Variants in HIPK3 observed in about 807,000 individuals in gnomAD.
The protein encoded by HIPK3 is homeodomain-interacting protein kinase 3.
Under a neutral mutation model 124.2 loss-of-function variants are expected in HIPK3, and 47 were observed. The ratio of observed to expected loss-of-function variants is 0.38; its 90% CI spans 0.30 to 0.48. The LOEUF (loss-of-function observed/expected upper bound fraction) is 0.48, where lower values mean the gene tolerates loss of function less well. Among genes scored for constraint, HIPK3 ranks in the 20% least tolerant of loss-of-function variants. HIPK3 has a pLI of 0.98. For synonymous variants in HIPK3, 482 were observed against 515.2 expected, an observed-to-expected ratio of 0.94 and a Z score of 0.87; for missense variants, 1,286 against 1,454.3, an observed-to-expected ratio of 0.88 and a Z score of 1.88.
At chr11:33,347,151 G>A (rs1648231671) in intron 8 of HIPK3, 142 bp from the exon 9 acceptor site, 1 of 678,096 alleles carries the variant, frequency 1.5e-6, no homozygotes, top group African/African-American at 1.8e-5. Flanking sequence ...CTGTGCTCCA[G>A]TCTGGGCAAC....
At chr11:33,347,033 G>A (rs1853514665) in intron 8 of HIPK3, among the ~76,000 whole-genome samples, 1 of 152,010 alleles carries the variant, frequency 6.6e-6, no homozygotes, top group South Asian at 2.1e-4. Flanking sequence ...AAAAATTAAA[G>A]AGATTAGCTG....
chr11:33,298,819 C>T (rs1336340354), intron 2 of HIPK3, among the ~76,000 whole-genome samples: 3 of 152,112 alleles, frequency 2.0e-5, no homozygotes, highest in Non-Finnish European at 4.4e-5. Context: ...TGCAATCTGA[C>T]GATTAAACTT....
chr11:33,305,938 C>T (rs939423395), intron 2 of HIPK3, among the ~76,000 whole-genome samples: 1 of 151,940 alleles, frequency 6.6e-6, no homozygotes, highest in Non-Finnish European at 1.5e-5. Context: ...CTATATGTTG[C>T]CCAGGCTGCT....
chr11:33,281,296 G>A (rs1237230416), intron 1 of HIPK3, among the ~76,000 whole-genome samples: 3 of 151,764 alleles, frequency 2.0e-5, no homozygotes, highest in Non-Finnish European at 2.9e-5. Flanking sequence ...TTTTCATTAA[G>A]GAAAAATATA....
At position 33,286,902 on chromosome 11, in the gene HIPK3, C is replaced by T. The variant is rs1565064482; in HGVS notation, c.488C>T (p.Thr163Ile). 1.9e-6 allele frequency: 3 copies of T among 1,614,170 alleles called. No individual in the cohort carries two copies. Among genetic ancestry groups the T allele is most frequent in the Non-Finnish European group, 2.5e-6 (3 of 1,180,020 alleles). The change falls in exon 2 of 17, where the codon ACA becomes ATA. Residue 163 changes from threonine (T) to isoleucine (I), a missense_variant. Coordinates refer to ENST00000303296, the MANE Select transcript of HIPK3 (RefSeq NM_005734.5). ...MLQTNMGNPV[T>I]VVTATTGSKQ... is the part of the protein sequence containing the mutation. ...CAAACCAACATGGGAAATCCAGTGA[C>T]AGTTGTGACAGCTACCACAGGATCA...
chr11:33,351,854 T>C lies in HIPK3; in HGVS notation c.3043+11T>C. Reference sequence around the variant, plus strand: ...ATATGGCAAACACAGGTAAGTTGAGTCCTCCCATTTCTCTGGTTGTCCTTT... The same window carrying C: ...ATATGGCAAACACAGGTAAGTTGAGCCCTCCCATTTCTCTGGTTGTCCTTT... On this transcript the variant is annotated intron_variant, in intron 15 of 16. Coordinates refer to ENST00000303296, the MANE Select transcript of HIPK3 (RefSeq NM_005734.5). The C allele has an allele frequency of 6.3e-7, 1 of 1,586,046 alleles. No individual in the cohort carries two copies. The highest frequency in any genetic ancestry group is 1.1e-5 in the South Asian group (1 of 90,060).
chr11:33,354,303 T>C lies in HIPK3; in HGVS notation c.*735T>C, dbSNP rs1195484214. 1 of 152,676 alleles carries C rather than the reference T, an allele frequency of 6.5e-6. No individual in the cohort carries two copies. Among genetic ancestry groups the C allele is most frequent in the African/African-American group, 2.4e-5 (1 of 41,472 alleles). The allele number at this position is 152,676 out of a possible 1,614,324, so 9.5% of individuals were successfully genotyped here. A position where few individuals can be genotyped will look rare whatever the true frequency, so the allele number is the denominator to read the frequency against. Reference sequence around the variant, plus strand: ...TATTAAGAGGGCAGCATGTTTGCTATAGCTGAATTCTGCTGTCTGATTTTT... The same window carrying C: ...TATTAAGAGGGCAGCATGTTTGCTACAGCTGAATTCTGCTGTCTGATTTTT... On this transcript the variant is annotated 3_prime_UTR_variant, in exon 17 of 17. Transcript: ENST00000303296.
chr11:33,282,771 A>G (rs1165307675), intron 1 of HIPK3, among the ~76,000 whole-genome samples: 3 of 152,162 alleles, frequency 2.0e-5, no homozygotes, highest in Non-Finnish European at 4.4e-5. Context: ...TAGGAGAATC[A>G]TGGCAATGTT....
intron 2 of HIPK3, among the ~76,000 whole-genome samples, chr11:33,299,505 A>T (rs1851933298): frequency 2.0e-5 from 3 of 151,854 alleles, no homozygotes; most frequent in African/African-American, 7.3e-5. Flanking sequence ...GTTTCTTGAG[A>T]TGGAATCTAA....
At chr11:33,294,996 G>C (rs557766879) in intron 2 of HIPK3, among the ~76,000 whole-genome samples, 1 of 152,170 alleles carries the variant, frequency 6.6e-6, no homozygotes, top group East Asian at 1.9e-4. Context: ...AGTCACTCAT[G>C]TCAAGTAGCA....
chr11:33,310,261 T>C (rs1852284581), intron 2 of HIPK3, among the ~76,000 whole-genome samples: 1 of 108,180 alleles, frequency 9.2e-6, no homozygotes, highest in Admixed American at 9.8e-5. Context: ...TCTGTCTGTC[T>C]GTCTGTCTGT....
intron 13 of HIPK3, 150 bp downstream of exon 13, chr11:33,348,968 C>G: frequency 1.1e-6 from 1 of 928,320 alleles, no homozygotes; most frequent in African/African-American, 1.7e-5. Context: ...AGGGAACTTT[C>G]TAAATAACAT....
intron 4 of HIPK3, 131 bp downstream of exon 4, chr11:33,337,325 C>A (rs944750045): frequency 6.3e-6 from 3 of 472,630 alleles, no homozygotes; most frequent in Non-Finnish European, 1.0e-5. Flanking sequence ...ATTTTTGGCC[C>A]TTCTTTATTT....
chr11:33,267,947 A>C (rs1390980380), intron 1 of HIPK3, among the ~76,000 whole-genome samples: 1 of 152,200 alleles, frequency 6.6e-6, no homozygotes, highest in Non-Finnish European at 1.5e-5. Flanking sequence ...TTGGTGGCTC[A>C]AACCTTTAAT....
At chr11:33,288,140 T>C in intron 2 of HIPK3, among the ~76,000 whole-genome samples, 1 of 152,168 alleles carries the variant, frequency 6.6e-6, no homozygotes, top group East Asian at 1.9e-4. Flanking sequence ...AGAAAGTTAT[T>C]CTGATTAATG....
rs974592308 is a variant in HIPK3 at position 33,353,891 on chromosome 11, T to C, written c.*323T>C. Reference sequence around the variant, plus strand: ...CGTCTACATTTGGGAAGCCATTCTGTGTACAGACTTAGAGCAACAGATGCA... The same window carrying C: ...CGTCTACATTTGGGAAGCCATTCTGCGTACAGACTTAGAGCAACAGATGCA... On this transcript the variant is annotated 3_prime_UTR_variant, in exon 17 of 17. Coordinates refer to ENST00000303296, the MANE Select transcript of HIPK3 (RefSeq NM_005734.5). 3.2e-6 allele frequency: 1 copy of C among 312,104 alleles called. No individual in the cohort carries two copies. The highest frequency in any genetic ancestry group is 6.1e-6 in the Non-Finnish European group (1 of 163,950). The allele number at this position is 312,104 out of a possible 1,614,324, so 19.3% of individuals were successfully genotyped here. A position where few individuals can be genotyped will look rare whatever the true frequency, so the allele number is the denominator to read the frequency against.
intron 1 of HIPK3, among the ~76,000 whole-genome samples, chr11:33,263,831 T>G (rs536637390): frequency 6.6e-6 from 1 of 152,274 alleles, no homozygotes; most frequent in African/African-American, 2.4e-5. Flanking sequence ...GACTTTTCCT[T>G]AAGGTGGAGT....
At chr11:33,351,030 T>C (rs918508802) in intron 14 of HIPK3, among the ~76,000 whole-genome samples, 11 of 152,062 alleles carry the variant, frequency 7.2e-5, no homozygotes, top group African/African-American at 2.7e-4. Context: ...AGACAATAAA[T>C]GCTGTAGAAA....
chr11:33,287,505 A>G lies in HIPK3; in HGVS notation c.1091A>G (p.Tyr364Cys), dbSNP rs749613606. The part of the protein sequence containing the change: ...TVCSTYLQSR[Y>C]YRAPEIILGL... ...TGTTCAACATATCTACAATCTCGGT[A>G]CTACAGGTAGGTAACAACTCCATAC... The change falls in exon 2 of 17, where the codon TAC (tyrosine) becomes TGC (cysteine). Residue 364 changes from tyrosine (Y) to cysteine (C), a missense_variant. By Grantham distance (194) the Tyr-to-Cys change is radical (BLOSUM62 -2). Around this residue, in one of 3 missense-constraint regions of HIPK3, gnomAD observed 251 missense variants for 349.1 expected, o/e 0.72. Transcript: ENST00000303296. 6.2e-7 allele frequency: 1 copy of G among 1,606,652 alleles called. No homozygotes were observed. The highest frequency in any genetic ancestry group is 1.1e-5 in the South Asian group (1 of 89,946).
Sources: allele counts gnomAD v4.1 joint callset (sites outside exome capture counted in the v4.1 genomes callset), GRCh38; gene constraint gnomAD v4.1.1; regional missense constraint gnomAD v4.1.1; transcripts MANE v1.5; gene names NCBI Gene and HGNC (gene_info 2026-07-23, HGNC 2026-07-21).